Variants in NIN observed in about 807,000 individuals in gnomAD.
The protein encoded by NIN is ninein, also known as glycogen synthase kinase 3 beta-interacting protein.
NIN carries 137 observed loss-of-function variants against 257.6 expected under a neutral mutation model. The observed-to-expected ratio is 0.53, with a 90% CI of 0.46 to 0.61. NIN has a LOEUF of 0.61. NIN is among the 20% of genes least tolerant of loss of function. NIN has a pLI of 0.00. For missense variants in NIN, 2,439 were observed against 2,501.2 expected (o/e 0.98, Z 0.53); for synonymous variants, 918 against 919.8 (o/e 1.00, Z 0.04).
chr14:50,762,660 C>T (rs1234147942), intron 15 of NIN, among the ~76,000 whole-genome samples: 1 of 152,108 alleles, frequency 6.6e-6, no homozygotes, highest in Non-Finnish European at 1.5e-5. Context: ...CTGAGAATGA[C>T]ACTGAAAATG....
intron 3 of NIN, among the ~76,000 whole-genome samples, chr14:50,810,817 T>G (rs895848063): frequency 6.7e-6 from 1 of 149,770 alleles, no homozygotes; most frequent in Admixed American, 6.6e-5. Flanking sequence ...CCCACCACCA[T>G]GCCTGGCTAA....
At chr14:50,736,112 TTTTTAA>T (rs1373423007) in intron 27 of NIN, among the ~76,000 whole-genome samples, 13 of 152,260 alleles carry the variant, frequency 8.5e-5, no homozygotes, top group Admixed American at 3.9e-4. Flanking sequence ...TTTATATAAC[TTTTTAA>T]TTTTAAAGAT....
intron 15 of NIN, 36 bp from the exon 16 acceptor site, chr14:50,761,947 G>A: frequency 1.2e-6 from 2 of 1,612,278 alleles, no homozygotes; most frequent in African/African-American, 1.3e-5. Flanking sequence ...CCTGCAGCAG[G>A]TTCTTTCAAT....
intron 3 of NIN, among the ~76,000 whole-genome samples, chr14:50,815,616 A>G (rs2044856182): frequency 6.6e-6 from 1 of 152,242 alleles, no homozygotes; most frequent in Non-Finnish European, 1.5e-5. Context: ...CACTATTCAC[A>G]ATAGCAAAGA....
intron 22 of NIN, among the ~76,000 whole-genome samples, chr14:50,745,434 A>T (rs2041494388): frequency 6.6e-6 from 1 of 152,158 alleles, no homozygotes; most frequent in African/African-American, 2.4e-5. Flanking sequence ...CATAGTTCAT[A>T]GGTTTTTAAC....
chr14:50,728,742 A>G (rs2040538800), intron 29 of NIN, among the ~76,000 whole-genome samples: 2 of 152,270 alleles, frequency 1.3e-5, no homozygotes, highest in South Asian at 4.1e-4. Context: ...AGAAAGGATG[A>G]TGAATGAAGC....
intron 28 of NIN, among the ~76,000 whole-genome samples, chr14:50,731,740 C>T (rs772233901): frequency 4.9e-4 from 74 of 152,090 alleles, no homozygotes; most frequent in African/African-American, 9.6e-4. Flanking sequence ...GCAGAAGAAT[C>T]GCTCGAATCC....
chr14:50,796,080 A>T (rs2142063536), intron 4 of NIN, among the ~76,000 whole-genome samples: 1 of 152,338 alleles, frequency 6.6e-6, no homozygotes, highest in South Asian at 2.1e-4. Flanking sequence ...TTGAAAGTGT[A>T]TTTATGATTC....
intron 28 of NIN, chr14:50,730,755 T>G (rs2040652465): frequency 5.3e-6 from 1 of 188,630 alleles, no homozygotes; most frequent in African/African-American, 2.4e-5. Context: ...CTTTAAATAC[T>G]GAGGAAAAGT....
intron 10 of NIN, 73 bp from the exon 11 acceptor site, chr14:50,771,065 C>G (rs1481446855): frequency 1.7e-5 from 27 of 1,542,950 alleles, no homozygotes; most frequent in Non-Finnish European, 2.4e-5. Context: ...AAGCTCTCAT[C>G]TGGCTTGCAT....
chr14:50,811,772 A>G (rs1315481850), intron 3 of NIN, among the ~76,000 whole-genome samples: 1 of 151,876 alleles, frequency 6.6e-6, no homozygotes, highest in Non-Finnish European at 1.5e-5. Flanking sequence ...AGGTGGGCGG[A>G]TCACAAGGTC....
At chr14:50,763,229 A>G (rs1232251672) in intron 15 of NIN, among the ~76,000 whole-genome samples, 3 of 151,984 alleles carry the variant, frequency 2.0e-5, no homozygotes, top group Non-Finnish European at 4.4e-5. Flanking sequence ...GAAAAGAGGT[A>G]GGCTATCAGG....
At chr14:50,820,889 G>C (rs1049541962) in intron 3 of NIN, among the ~76,000 whole-genome samples, 2 of 152,130 alleles carry the variant, frequency 1.3e-5, no homozygotes, top group African/African-American at 4.8e-5. Flanking sequence ...CCAATACATG[G>C]TACTATATCT....
chr14:50,803,870 G>A (rs961156057), intron 4 of NIN, among the ~76,000 whole-genome samples: 8 of 151,608 alleles, frequency 5.3e-5, no homozygotes, highest in Non-Finnish European at 8.8e-5. Context: ...TGCCTGCAGC[G>A]GGGTAGAGTC....
intron 17 of NIN, among the ~76,000 whole-genome samples, chr14:50,759,649 A>T (rs1450154709): frequency 6.6e-6 from 1 of 151,978 alleles, no homozygotes; most frequent in African/African-American, 2.4e-5. Flanking sequence ...GCCCGCCACC[A>T]CGCCCGGCTA....
chr14:50,797,826 G>A (rs1280381345), intron 4 of NIN, among the ~76,000 whole-genome samples: 1 of 151,908 alleles, frequency 6.6e-6, no homozygotes, highest in Non-Finnish European at 1.5e-5. Flanking sequence ...AGTGGGTGGG[G>A]AAACAGGAGA....
intron 8 of NIN, 73 bp from the exon 9 acceptor site, chr14:50,772,541 AC>A: frequency 7.4e-7 from 1 of 1,358,410 alleles, no homozygotes; most frequent in Non-Finnish European, 1.0e-6. Flanking sequence ...GTCAGCCCTG[AC>A]CACGATGGGT....
intron 2 of NIN, among the ~76,000 whole-genome samples, chr14:50,824,091 C>G (rs2045355746): frequency 6.6e-6 from 1 of 152,180 alleles, no homozygotes; most frequent in South Asian, 2.1e-4. Flanking sequence ...TCTGACCGAC[C>G]TCATAAAAGC....
rs1228321848 is a variant in NIN at position 50,720,481 on chromosome 14, T to C, written c.*2982A>G. 1.4e-5 allele frequency: 3 copies of C among 209,908 alleles called. No homozygotes were observed. Among genetic ancestry groups the C allele is most frequent in the East Asian group, 1.4e-4 (2 of 13,856 alleles). 13.0% of individuals were successfully genotyped at this position (209,908 alleles called of 1,614,324 possible). A position where few individuals can be genotyped will look rare whatever the true frequency, so the allele number is the denominator to read the frequency against. Reference sequence around the variant, plus strand: ...AGTTTCTCATAATATCTGCCCTGGGTAATAGTGCATTATTAAAATACTAGA... The same window carrying C: ...AGTTTCTCATAATATCTGCCCTGGGCAATAGTGCATTATTAAAATACTAGA... On this transcript the variant is annotated 3_prime_UTR_variant, in exon 31 of 31. Coordinates refer to ENST00000530997, the MANE Select transcript of NIN (RefSeq NM_020921.4).
Sources: gnomAD v4.1 joint callset for allele counts (sites outside exome capture counted in the v4.1 genomes callset) on GRCh38, gnomAD v4.1.1 for gene constraint, MANE v1.5 for transcripts, NCBI Gene and HGNC (gene_info 2026-07-23, HGNC 2026-07-21) for gene names.